ADGRD1: variants seen among roughly 807,000 people sequenced by gnomAD.
ADGRD1 encodes the protein adhesion G protein-coupled receptor D1.
Under a neutral mutation model 113.4 loss-of-function variants are expected in ADGRD1, and 77 were observed. The observed-to-expected ratio is 0.68, with a 90% confidence interval of 0.57 to 0.82. ADGRD1 has a LOEUF of 0.82. Among genes scored for constraint, ADGRD1 ranks in the 40% least tolerant of loss-of-function variants. The pLI, the probability that ADGRD1 is intolerant of heterozygous loss-of-function variation, is 0.00. For missense variants in ADGRD1, 1,036 were observed against 1,139.1 expected (o/e 0.91, Z 1.30); for synonymous variants, 474 against 475.0 (o/e 1.00, Z 0.03).
At chr12:131,009,529 T>C (rs564709020) in intron 12 of ADGRD1, among the ~76,000 whole-genome samples, 1 of 152,322 alleles carries the variant, frequency 6.6e-6, no homozygotes, top group South Asian at 2.1e-4. Flanking sequence ...TTGATGGTTA[T>C]ATAGGAGGCA....
chr12:130,969,230 T>C (rs1871341711), intron 3 of ADGRD1: 1 of 607,720 alleles, frequency 1.6e-6, no homozygotes, highest in Non-Finnish European at 2.9e-6. Context: ...TGTTAAAAAA[T>C]AACCACTAGG....
rs532234078 is a variant in ADGRD1 at position 130,968,814 on chromosome 12, G to A, written c.187+2268G>A. On this transcript the variant is annotated intron_variant, in intron 3 of 24. Transcript: ENST00000261654. ...CGAGCTGCTGACCAAAGTAAACAAG[G>A]GTGGTGGAGGCTGGGGGATGTGAGG... The A allele has an allele frequency of 3.0e-5, 18 of 600,180 alleles. No homozygotes were observed. The East Asian group carries it at 4.0e-4, about 13-fold the overall frequency. The allele number at this position is 600,180 out of a possible 1,614,324, so 37.2% of individuals were successfully genotyped here.
rs373422245 is a variant in ADGRD1 at position 131,014,370 on chromosome 12, C to T, written c.1473+30C>T. ...GTGGCGGTGCCTTCACCCTTGTCGC[C>T]GCCTTTGATCTGGTTTCACACTGAG... On this transcript the variant is annotated intron_variant, in intron 13 of 24. Coordinates refer to ENST00000261654, the MANE Select transcript of ADGRD1 (RefSeq NM_198827.5). 104 of 1,591,264 alleles carry T rather than the reference C, an allele frequency of 6.5e-5. No individual in the cohort carries two copies. In the Middle Eastern group the frequency reaches 1.8e-3, roughly 28 times the overall value.
At chr12:131,093,970 CCCT>C (rs1204518922) in intron 15 of ADGRD1, among the ~76,000 whole-genome samples, 1 of 81,774 alleles carries the variant, frequency 1.2e-5, no homozygotes, top group African/African-American at 4.3e-5. Context: ...CAGCACCCAG[CCCT>C]GAGCACCCAG....
intron 18 of ADGRD1, among the ~76,000 whole-genome samples, chr12:131,112,760 C>G (rs1478010270): frequency 1.3e-5 from 2 of 152,236 alleles, no homozygotes; most frequent in Non-Finnish European, 2.9e-5. Flanking sequence ...ACATGTCTGC[C>G]TCTCATGCAG....
intron 19 of ADGRD1, among the ~76,000 whole-genome samples, chr12:131,119,395 G>C (rs996910118): frequency 1.3e-5 from 2 of 152,196 alleles, no homozygotes; most frequent in African/African-American, 4.8e-5. Flanking sequence ...CTTTCATTCT[G>C]GATGCTGTTA....
rs78423842 is a variant in ADGRD1, at chr12:131,010,013, A to C, written c.1331+3966A>C. 4.8e-4 allele frequency among the ~76,000 whole-genome samples: 73 copies of C among 152,284 alleles called. 1 individual carries two copies. The East Asian group carries it at 0.013, about 28-fold the overall frequency. On this transcript the variant is annotated intron_variant, in intron 12 of 24. Coordinates refer to ENST00000261654, the MANE Select transcript of ADGRD1 (RefSeq NM_198827.5). ...ATTGTGGCTGTTGCCGTCCTTTCTG[A>C]AAGGCCCTGGCTGCAGTGCTGCTCG...
intron 15 of ADGRD1, among the ~76,000 whole-genome samples, chr12:131,089,454 C>T (rs186581486): frequency 2.0e-5 from 3 of 152,224 alleles, no homozygotes; most frequent in Non-Finnish European, 4.4e-5. Context: ...TTCACACAGC[C>T]GACCACCTGG....
In ADGRD1 at chr12:131,022,654, C is replaced by T. The variant is rs1427369307; in HGVS notation, c.1473+8314C>T. 1 of 152,200 alleles carries T rather than the reference C, an allele frequency of 6.6e-6. No homozygotes were observed. The highest frequency in any genetic ancestry group is 1.5e-5 in the Non-Finnish European group (1 of 68,038). 9.4% of individuals were successfully genotyped at this position (152,200 alleles called of 1,614,324 possible). ...TGGTTTCTGCCTCCTTTGATGCCTC[C>T]CTCATTTTCTGAGTCCCTCCTTACA... is the stretch of plus-strand genomic sequence containing the variant. On this transcript the variant is annotated intron_variant, in intron 13 of 24. Coordinates refer to ENST00000261654, the MANE Select transcript of ADGRD1 (RefSeq NM_198827.5). This position sits in a 1 kb window ranked among gnomAD's most constrained non-coding sequence, Gnocchi z 4.6.
At chr12:131,134,413 T>C (rs1287996480) in intron 21 of ADGRD1, among the ~76,000 whole-genome samples, 1 of 152,248 alleles carries the variant, frequency 6.6e-6, no homozygotes. Context: ...CAAGATCTTC[T>C]TCTATTGTTC....
intron 13 of ADGRD1, among the ~76,000 whole-genome samples, chr12:131,042,771 C>T (rs1323686278): frequency 6.6e-6 from 1 of 152,250 alleles, no homozygotes; most frequent in Non-Finnish European, 1.5e-5. Context: ...TCCTCCTGAG[C>T]GTGTGGGAGC....
intron 3 of ADGRD1, chr12:130,969,816 A>G (rs1871410170): frequency 6.6e-6 from 1 of 152,202 alleles, no homozygotes; most frequent in African/African-American, 2.4e-5. Context: ...GAAGGTATAT[A>G]TATTCTTTCA....
intron 13 of ADGRD1, among the ~76,000 whole-genome samples, chr12:131,029,045 A>G (rs1041579476): frequency 6.6e-6 from 1 of 152,212 alleles, no homozygotes; most frequent in Admixed American, 6.5e-5. Flanking sequence ...GTTGTCATTC[A>G]TAGCTGCGTA....
chr12:130,960,917 G>A (rs1593256989), intron 2 of ADGRD1, among the ~76,000 whole-genome samples: 1 of 152,230 alleles, frequency 6.6e-6, no homozygotes, highest in African/African-American at 2.4e-5. Context: ...GAATCAGGAT[G>A]AGCTACACAA....
In ADGRD1 at chr12:131,135,386, C is replaced by T. The variant is rs114084978; in HGVS notation, c.2268-651C>T. On this transcript the variant is annotated intron_variant, in intron 21 of 24. Coordinates refer to ENST00000261654, the MANE Select transcript of ADGRD1 (RefSeq NM_198827.5). ...CGCATGCTGATGGGGCTGGTGTGTTCAGCGATGGGGCTCTGTCAGTTCACA... is the reference window on the plus strand; with the variant it reads ...CGCATGCTGATGGGGCTGGTGTGTTTAGCGATGGGGCTCTGTCAGTTCACA... 1.7e-3 allele frequency among the ~76,000 whole-genome samples: 262 copies of T among 152,252 alleles called. 2 individuals are homozygous for T. Among genetic ancestry groups the T allele is most frequent in the African/African-American group, 6.1e-3 (253 of 41,544 alleles).
chr12:131,065,031 C>G (rs1444240995), intron 13 of ADGRD1, among the ~76,000 whole-genome samples: 3 of 152,256 alleles, frequency 2.0e-5, no homozygotes, highest in Non-Finnish European at 4.4e-5. Flanking sequence ...TCCCTCTCCT[C>G]TCTCTTTGTA....
intron 13 of ADGRD1, among the ~76,000 whole-genome samples, chr12:131,071,745 T>C (rs973033891): frequency 1.3e-5 from 2 of 152,142 alleles, no homozygotes; most frequent in Admixed American, 6.5e-5. Flanking sequence ...TCACCAGGGA[T>C]GCGGGCACCA....
intron 14 of ADGRD1, among the ~76,000 whole-genome samples, chr12:131,079,450 G>A (rs538835213): frequency 2.0e-5 from 3 of 152,286 alleles, no homozygotes; most frequent in African/African-American, 7.2e-5. Context: ...ATATTGGTCT[G>A]CAGTTTTCTT....
At chr12:130,974,017 A>T (rs1342566742) in intron 4 of ADGRD1, among the ~76,000 whole-genome samples, 1 of 152,222 alleles carries the variant, frequency 6.6e-6, no homozygotes, top group African/African-American at 2.4e-5. Context: ...CCTGATGCAG[A>T]CGCAGAGGGT....
Sources: allele counts gnomAD v4.1 joint callset (sites outside exome capture counted in the v4.1 genomes callset), GRCh38; gene constraint gnomAD v4.1.1; non-coding constraint Gnocchi (gnomAD v3.1); transcripts MANE v1.5; gene names NCBI Gene and HGNC (gene_info 2026-07-23, HGNC 2026-07-21).